The following HSPA12A variants were observed in gnomAD, a reference collection of about 807,000 sequenced individuals.
HSPA12A encodes heat shock protein family A (Hsp70) member 12A.
Under a neutral mutation model 69.2 loss-of-function variants are expected in HSPA12A, and 28 were observed. That is an observed-to-expected ratio of 0.40 (90% CI 0.30 to 0.55). HSPA12A has a LOEUF of 0.55. HSPA12A is among the 20% of genes least tolerant of loss of function. HSPA12A has a pLI of 0.38. For synonymous variants in HSPA12A, 345 were observed against 370.5 expected (o/e 0.93, Z 0.79); for missense variants, 686 against 900.7 (o/e 0.76, Z 3.05).
intron 1 of HSPA12A, among the ~76,000 whole-genome samples, chr10:116,707,727 G>A (rs1564789227): frequency 6.6e-6 from 1 of 152,170 alleles, no homozygotes; most frequent in African/African-American, 2.4e-5. Context: ...TCCCAAAGGG[G>A]TGAGGGGTAC....
intron 1 of HSPA12A, among the ~76,000 whole-genome samples, chr10:116,726,053 AC>A (rs1168032921): frequency 0.022 from 3,345 of 150,988 alleles, 132 homozygotes; most frequent in African/African-American, 0.077. Flanking sequence ...ACACACACAC[AC>A]AACAGGCCAA....
At chr10:116,747,723 G>T (rs1480377567) in intron 2 of HSPA12A, among the ~76,000 whole-genome samples, 1 of 152,228 alleles carries the variant, frequency 6.6e-6, no homozygotes, top group Non-Finnish European at 1.5e-5. Flanking sequence ...TGGAGGCTGG[G>T]CATGGTGGCT....
At chr10:116,681,921 G>A (rs2133367062) in intron 7 of HSPA12A, 44 bp from the exon 8 acceptor site, 1 of 1,565,806 alleles carries the variant, frequency 6.4e-7, no homozygotes, top group East Asian at 2.2e-5. Flanking sequence ...AAGAAAGCAT[G>A]AAAAAGCAGA....
chr10:116,689,844 C>A (rs1849686578), intron 6 of HSPA12A, among the ~76,000 whole-genome samples: 1 of 151,250 alleles, frequency 6.6e-6, no homozygotes, highest in Non-Finnish European at 1.5e-5. Flanking sequence ...GGCAGTCATG[C>A]AGGAGGAACT....
intron 5 of HSPA12A, among the ~76,000 whole-genome samples, chr10:116,695,772 C>T (rs1179381856): frequency 1.3e-5 from 2 of 151,378 alleles, no homozygotes; most frequent in Non-Finnish European, 2.9e-5. Flanking sequence ...GCCAAGATCA[C>T]GCCACTGCAC....
At position 116,788,779 on chromosome 10, in the gene HSPA12A, A is replaced by C. The variant is rs1447019210; in HGVS notation, c.91+46156T>G. Reference sequence around the variant, plus strand: ...CGTGTGAAAATATACCCACAGATAAACTCACATAAATGAGAGAAACTATCT... The same window carrying C: ...CGTGTGAAAATATACCCACAGATAACCTCACATAAATGAGAGAAACTATCT... On this transcript the variant is annotated intron_variant, in intron 2 of 12. Coordinates refer to the HSPA12A transcript ENST00000635765. Among the ~76,000 whole-genome samples, 4 of 152,208 alleles carry C rather than the reference A, an allele frequency of 2.6e-5. No individual in the cohort carries two copies. The East Asian group carries it at 7.7e-4, about 29-fold the overall frequency.
intron 2 of HSPA12A, among the ~76,000 whole-genome samples, chr10:116,808,998 T>C (rs1209822896): frequency 6.6e-6 from 1 of 152,156 alleles, no homozygotes; most frequent in Non-Finnish European, 1.5e-5. Flanking sequence ...CAGACTTCTC[T>C]TCCTCCGCTC....
rs9420212 is a variant in HSPA12A, at chr10:116,816,908, C to T, written c.91+18027G>A. Among the ~76,000 whole-genome samples the T allele has an allele frequency of 5.3e-3, 803 of 152,252 alleles. 5 individuals carry two copies. The highest frequency in any genetic ancestry group is 0.019 in the African/African-American group (781 of 41,542). On this transcript the variant is annotated intron_variant, in intron 2 of 12. Coordinates refer to the HSPA12A transcript ENST00000635765. ...TTATTTTTCTGGTGGGGAAATCAAT[C>T]CTTGAGCTGTGTTAAAACAATCAGC...
At position 116,681,143 on chromosome 10, in the gene HSPA12A, G is replaced by A. The variant is rs782135219; in HGVS notation, c.1027+9C>T. ...CAGGAATAAGAAAATTAGCCCTGCA[G>A]GGCCTCACCTGTTGCTTTATACAGT... On this transcript the variant is annotated intron_variant, in intron 9 of 11. Transcript: ENST00000369209. 2 of 1,594,926 alleles carry A rather than the reference G, an allele frequency of 1.3e-6. No homozygotes were observed. The highest frequency in any genetic ancestry group is 1.7e-6 in the Non-Finnish European group (2 of 1,162,566).
intron 2 of HSPA12A, among the ~76,000 whole-genome samples, chr10:116,810,862 C>CCATT (rs202077543): frequency 0.01 from 1,527 of 152,292 alleles, 20 homozygotes; most frequent in African/African-American, 0.032. Context: ...TTAGCCAAGG[C>CCATT]CATTCATTTG....
At chr10:116,792,060 A>C (rs1292548312) in intron 2 of HSPA12A, among the ~76,000 whole-genome samples, 2 of 151,892 alleles carry the variant, frequency 1.3e-5, no homozygotes, top group African/African-American at 4.8e-5. Flanking sequence ...TAATAATAAT[A>C]ATATAATAAT....
intron 2 of HSPA12A, among the ~76,000 whole-genome samples, chr10:116,801,062 T>G (rs767332025): frequency 2.6e-5 from 4 of 152,238 alleles, no homozygotes; most frequent in Non-Finnish European, 5.9e-5. Context: ...ATAAATGAGC[T>G]ATGTGTTAAA....
At chr10:116,839,334 C>G (rs944213621) in intron 1 of HSPA12A, among the ~76,000 whole-genome samples, 1 of 152,160 alleles carries the variant, frequency 6.6e-6, no homozygotes, top group African/African-American at 2.4e-5. Context: ...TCCCCTCCCC[C>G]ACGAAGACCC....
At chr10:116,691,664 C>T (rs1076368) in intron 6 of HSPA12A, among the ~76,000 whole-genome samples, 79,367 of 152,104 alleles carry the variant, frequency 0.52, 21,107 homozygotes, top group Middle Eastern at 0.65. Context: ...GAGCATGGCT[C>T]GCCATTCCTG....
chr10:116,731,240 G>T (rs113622199), intron 1 of HSPA12A, among the ~76,000 whole-genome samples: 1 of 152,230 alleles, frequency 6.6e-6, no homozygotes, highest in Non-Finnish European at 1.5e-5. Context: ...TTGTGAGTAA[G>T]TAAACCTTCT....
intron 1 of HSPA12A, among the ~76,000 whole-genome samples, chr10:116,845,883 C>G (rs574806946): frequency 1.3e-5 from 2 of 152,250 alleles, no homozygotes; most frequent in East Asian, 3.9e-4. Context: ...CATGAATAAT[C>G]ATGTTATTTA....
chr10:116,788,336 C>T (rs1035840848), intron 2 of HSPA12A, among the ~76,000 whole-genome samples: 2 of 152,194 alleles, frequency 1.3e-5, no homozygotes, highest in Non-Finnish European at 2.9e-5. Flanking sequence ...CCATTTAATA[C>T]CGAAGCGAAA....
At chr10:116,725,335 C>T (rs536760852) in intron 1 of HSPA12A, among the ~76,000 whole-genome samples, 4 of 152,306 alleles carry the variant, frequency 2.6e-5, no homozygotes, top group South Asian at 2.1e-4. Context: ...CCAGGCCTCA[C>T]GCTGGGCCTC....
rs543887960 is a variant in HSPA12A at position 116,700,357 on chromosome 10, A to G, written c.441+586T>C. ...CGGGGTGGCAGGGGGTGCCTGTTTG[A>G]TGTAGGTGTCTTATGGAACACTGGC... On this transcript the variant is annotated intron_variant, in intron 4 of 11. Coordinates refer to ENST00000369209, the MANE Select transcript of HSPA12A (RefSeq NM_025015.3). 2.8e-4 allele frequency among the ~76,000 whole-genome samples: 43 copies of G among 152,290 alleles called. No homozygotes were observed. In the South Asian group the frequency reaches 8.3e-3, roughly 29 times the overall value.
Sources: gnomAD v4.1 joint callset for allele counts (sites outside exome capture counted in the v4.1 genomes callset) on GRCh38, gnomAD v4.1.1 for gene constraint, MANE v1.5 for transcripts, NCBI Gene and HGNC (gene_info 2026-07-23, HGNC 2026-07-21) for gene names.